BMPR2: variants seen among roughly 807,000 people sequenced by gnomAD.
BMPR2 encodes bone morphogenetic protein receptor type-2.
In BMPR2, 29 loss-of-function variants were observed where a neutral mutation model predicts 100.8. The observed-to-expected ratio is 0.29, with a 90% CI of 0.21 to 0.39. The LOEUF is 0.39. Among genes scored for constraint, BMPR2 ranks in the 10% least tolerant of loss-of-function variants. BMPR2 has a pLI of 1.00. For missense variants in BMPR2, 1,011 were observed against 1,274.5 expected (o/e 0.79, Z 3.15); for synonymous variants, 382 against 442.3 (o/e 0.86, Z 1.71).
At chr2:202,497,829 T>C (rs1427564110) in intron 3 of BMPR2, among the ~76,000 whole-genome samples, 2 of 152,128 alleles carry the variant, frequency 1.3e-5, no homozygotes, top group Non-Finnish European at 2.9e-5. Flanking sequence ...GAATGATTTC[T>C]AGTATAAACT....
chr2:202,501,682 G>C (rs1283559372), intron 3 of BMPR2, among the ~76,000 whole-genome samples: 1 of 152,152 alleles, frequency 6.6e-6, no homozygotes, highest in African/African-American at 2.4e-5. Context: ...TCACTGTCTG[G>C]ATTACTCATG....
At chr2:202,552,610 C>A in intron 10 of BMPR2, 106 bp from the exon 11 acceptor site, 1 of 1,152,330 alleles carries the variant, frequency 8.7e-7, no homozygotes. Context: ...ATGTAAAATA[C>A]TGGTTAAGGT....
At chr2:202,393,931 G>GAGAGAGAGAT (rs1367568037) in intron 1 of BMPR2, among the ~76,000 whole-genome samples, 3 of 123,862 alleles carry the variant, frequency 2.4e-5, no homozygotes, top group South Asian at 5.1e-4. Flanking sequence ...GAGAGAGAGA[G>GAGAGAGAGAT]AGATTCCTGT....
At chr2:202,424,378 A>G (rs1378659249) in intron 1 of BMPR2, among the ~76,000 whole-genome samples, 1 of 38,230 alleles carries the variant, frequency 2.6e-5, no homozygotes, top group Non-Finnish European at 5.6e-5. Context: ...CGTCTGAAGA[A>G]AAAAAAAAAA....
At chr2:202,450,137 A>C (rs910693050) in intron 1 of BMPR2, among the ~76,000 whole-genome samples, 4 of 151,916 alleles carry the variant, frequency 2.6e-5, no homozygotes, top group Non-Finnish European at 2.9e-5. Context: ...ACAACAACAA[A>C]AAAAGCATTA....
At chr2:202,424,582 G>T (rs1472412649) in intron 1 of BMPR2, among the ~76,000 whole-genome samples, 1 of 151,662 alleles carries the variant, frequency 6.6e-6, no homozygotes, top group African/African-American at 2.4e-5. Context: ...TGTAATCCCA[G>T]CTACTCTGGA....
chr2:202,379,344 G>T (rs1002355374), intron 1 of BMPR2, among the ~76,000 whole-genome samples: 2 of 152,160 alleles, frequency 1.3e-5, no homozygotes, highest in African/African-American at 2.4e-5. Flanking sequence ...AAAGTACAGA[G>T]AATTTGAATA....
At chr2:202,540,817 A>T (rs72926913) in intron 9 of BMPR2, among the ~76,000 whole-genome samples, 25,510 of 152,094 alleles carry the variant, frequency 0.17, 2,464 homozygotes, top group Middle Eastern at 0.24. Context: ...TGAAGATTAG[A>T]ACCTAAATGC....
At chr2:202,481,101 G>A (rs1441640401) in intron 3 of BMPR2, among the ~76,000 whole-genome samples, 1 of 151,514 alleles carries the variant, frequency 6.6e-6, no homozygotes, top group Non-Finnish European at 1.5e-5. Context: ...CTATTGCTTT[G>A]TAATTAGTTT....
At chr2:202,497,295 G>A (rs371054761) in intron 3 of BMPR2, among the ~76,000 whole-genome samples, 1 of 152,202 alleles carries the variant, frequency 6.6e-6, no homozygotes, top group African/African-American at 2.4e-5. Flanking sequence ...ATCGCTGAGC[G>A]GTGAGAGCAT....
chr2:202,487,961 C>T (rs1330089543), intron 3 of BMPR2, among the ~76,000 whole-genome samples: 1 of 152,204 alleles, frequency 6.6e-6, no homozygotes, highest in Admixed American at 6.5e-5. Context: ...TAGCATGCCT[C>T]ACCCTTCCAA....
intron 3 of BMPR2, among the ~76,000 whole-genome samples, chr2:202,504,769 C>G (rs1008762121): frequency 1.1e-4 from 17 of 149,850 alleles, no homozygotes; most frequent in African/African-American, 3.7e-4. Context: ...AACCTCCACC[C>G]TTCGAGTTCA....
chr2:202,420,484 G>A (rs975959444), intron 1 of BMPR2, among the ~76,000 whole-genome samples: 3 of 148,580 alleles, frequency 2.0e-5, no homozygotes, highest in Admixed American at 6.8e-5. Flanking sequence ...CTAAATATGC[G>A]TTTATAACCC....
intron 3 of BMPR2, among the ~76,000 whole-genome samples, chr2:202,509,414 A>G (rs1687583478): frequency 6.6e-6 from 1 of 151,948 alleles, no homozygotes. Flanking sequence ...AAATTTGGGT[A>G]ATGCTAAAAT....
chr2:202,534,276 T>A (rs1183106383), intron 9 of BMPR2, among the ~76,000 whole-genome samples: 4 of 150,180 alleles, frequency 2.7e-5, no homozygotes, highest in Non-Finnish European at 3.0e-5. Flanking sequence ...TTATTTATTT[T>A]TTATTGATAA....
At chr2:202,429,197 G>A (rs761011212) in intron 1 of BMPR2, among the ~76,000 whole-genome samples, 14 of 151,814 alleles carry the variant, frequency 9.2e-5, no homozygotes, top group Non-Finnish European at 1.8e-4. Context: ...TTCATACTCC[G>A]CCAGAGTACT....
chr2:202,383,563 C>G (rs1023581494), intron 1 of BMPR2, among the ~76,000 whole-genome samples: 1 of 152,074 alleles, frequency 6.6e-6, no homozygotes, highest in South Asian at 2.1e-4. Flanking sequence ...GCCTGTAATC[C>G]CAGCTACTCG....
At chr2:202,415,787 C>T (rs1318325429) in intron 1 of BMPR2, among the ~76,000 whole-genome samples, 1 of 152,196 alleles carries the variant, frequency 6.6e-6, no homozygotes, top group Non-Finnish European at 1.5e-5. Flanking sequence ...CAAAATATTA[C>T]TGATCATTGA....
At chr2:202,529,948 G>A (rs879834296) in intron 7 of BMPR2, among the ~76,000 whole-genome samples, 13 of 151,924 alleles carry the variant, frequency 8.6e-5, no homozygotes, top group African/African-American at 3.1e-4. Flanking sequence ...CAGAGCTATG[G>A]TTTTATTTAA....
Sources: gnomAD v4.1 joint callset for allele counts (sites outside exome capture counted in the v4.1 genomes callset) on GRCh38, gnomAD v4.1.1 for gene constraint, MANE v1.5 for transcripts, NCBI Gene and HGNC (gene_info 2026-07-23, HGNC 2026-07-21) for gene names.